LNX1: variants seen among roughly 807,000 people sequenced by gnomAD.
LNX1 encodes E3 ubiquitin-protein ligase LNX.
In LNX1, 54 loss-of-function variants were observed where a neutral mutation model predicts 68.4. The ratio of observed to expected loss-of-function variants is 0.79; its 90% CI spans 0.63 to 0.99. The LOEUF (loss-of-function observed/expected upper bound fraction) is 0.99. Ranked by LOEUF, LNX1 falls within the 50% of genes least tolerant of loss-of-function variation. LNX1 has a pLI of 0.00. For missense variants in LNX1, 906 were observed against 926.4 expected, an observed-to-expected ratio of 0.98 and a Z score of 0.29; for synonymous variants, 336 against 350.0, an observed-to-expected ratio of 0.96 and a Z score of 0.45.
chr4:53,520,124 G>T (rs1326466537), intron 2 of LNX1, among the ~76,000 whole-genome samples: 2 of 152,206 alleles, frequency 1.3e-5, no homozygotes, highest in Non-Finnish European at 2.9e-5. Context: ...CTCCCAGTGT[G>T]CGCTCATCTG....
intron 6 of LNX1, among the ~76,000 whole-genome samples, chr4:53,486,153 C>A (rs1450561859): frequency 3.9e-5 from 6 of 152,162 alleles, no homozygotes; most frequent in Non-Finnish European, 8.8e-5. Flanking sequence ...CTTTCCCTCC[C>A]AAGAGCTGAA....
chr4:53,538,417 C>T (rs527801181), intron 2 of LNX1, among the ~76,000 whole-genome samples: 2 of 152,180 alleles, frequency 1.3e-5, no homozygotes, highest in African/African-American at 4.8e-5. Flanking sequence ...CTCCCACTAA[C>T]TCCAAGGAAA....
chr4:53,518,736 T>C (rs564466822), intron 2 of LNX1, among the ~76,000 whole-genome samples: 17 of 152,316 alleles, frequency 1.1e-4, no homozygotes, highest in African/African-American at 4.1e-4. Context: ...AGAACTTTAA[T>C]TGAAGTGTGC....
chr4:53,516,393 T>C (rs1344207934), intron 2 of LNX1, among the ~76,000 whole-genome samples: 1 of 152,088 alleles, frequency 6.6e-6, no homozygotes, highest in Non-Finnish European at 1.5e-5. Flanking sequence ...ATGCACTTGG[T>C]TCATGAAAAC....
chr4:53,568,614 C>A (rs1306615343), intron 2 of LNX1, among the ~76,000 whole-genome samples: 2 of 151,890 alleles, frequency 1.3e-5, no homozygotes, highest in South Asian at 4.1e-4. Context: ...GACAGGGATG[C>A]CCTCTCTCAC....
chr4:53,573,386 G>T, intron 2 of LNX1, among the ~76,000 whole-genome samples: 1 of 152,110 alleles, frequency 6.6e-6, no homozygotes, highest in East Asian at 1.9e-4. Context: ...GTTAAAAATG[G>T]TAAACTTTAT....
intron 1 of LNX1, among the ~76,000 whole-genome samples, chr4:53,632,824 A>G (rs1482830971): frequency 2.6e-5 from 4 of 152,206 alleles, no homozygotes; most frequent in Non-Finnish European, 4.4e-5. Context: ...TTTCCTATCA[A>G]ATGTAAAGTG....
chr4:53,628,641 A>T (rs1734160738), intron 1 of LNX1, among the ~76,000 whole-genome samples: 1 of 152,226 alleles, frequency 6.6e-6, no homozygotes, highest in African/African-American at 2.4e-5. Flanking sequence ...ACCCAAAGGA[A>T]AAGAAGTCAT....
At chr4:53,642,966 C>T (rs1394863835) in intron 1 of LNX1, among the ~76,000 whole-genome samples, 1 of 152,080 alleles carries the variant, frequency 6.6e-6, no homozygotes, top group Non-Finnish European at 1.5e-5. Context: ...GTGATTTTGC[C>T]CTCCAGAGGC....
At chr4:53,556,570 A>G (rs1729928240) in intron 2 of LNX1, among the ~76,000 whole-genome samples, 1 of 152,196 alleles carries the variant, frequency 6.6e-6, no homozygotes, top group Admixed American at 6.5e-5. Flanking sequence ...GAGCCTTTTC[A>G]TAATCTCTGC....
chr4:53,495,063 G>T (rs1724952404), intron 6 of LNX1, among the ~76,000 whole-genome samples: 1 of 152,112 alleles, frequency 6.6e-6, no homozygotes, highest in Admixed American at 6.6e-5. Flanking sequence ...TTGTGGTGAT[G>T]GAAATCTTCT....
intron 2 of LNX1, among the ~76,000 whole-genome samples, chr4:53,540,280 G>A (rs1728658594): frequency 6.6e-6 from 1 of 152,128 alleles, no homozygotes; most frequent in African/African-American, 2.4e-5. Context: ...CCACTCGGGG[G>A]GCTTAGGAGA....
chr4:53,575,970 G>A, intron 1 of LNX1: 1 of 1,562,452 alleles, frequency 6.4e-7, no homozygotes, highest in Non-Finnish European at 8.6e-7. Context: ...GTGCCCTACT[G>A]GCAGGCATGC....
At chr4:53,638,920 A>G (rs991609603) in intron 1 of LNX1, among the ~76,000 whole-genome samples, 12 of 152,226 alleles carry the variant, frequency 7.9e-5, no homozygotes, top group Admixed American at 2.6e-4. Flanking sequence ...TGTGGAAAGC[A>G]GTTTGGAGAT....
At chr4:53,635,569 G>A (rs1016873929) in intron 1 of LNX1, among the ~76,000 whole-genome samples, 3 of 152,012 alleles carry the variant, frequency 2.0e-5, no homozygotes, top group Non-Finnish European at 2.9e-5. Flanking sequence ...GGACTAATCT[G>A]TTATTAGCTC....
At chr4:53,563,763 G>A (rs1730443915) in intron 2 of LNX1, among the ~76,000 whole-genome samples, 1 of 152,168 alleles carries the variant, frequency 6.6e-6, no homozygotes, top group South Asian at 2.1e-4. Context: ...TTGAACTCCT[G>A]ACCTCGTGAT....
intron 9 of LNX1, among the ~76,000 whole-genome samples, chr4:53,462,125 T>C (rs1416143974): frequency 1.3e-5 from 2 of 152,030 alleles, no homozygotes; most frequent in African/African-American, 4.8e-5. Flanking sequence ...TAGAGAAGCA[T>C]GCACGCATAA....
chr4:53,538,222 G>C (rs1293367317), intron 2 of LNX1, among the ~76,000 whole-genome samples: 1 of 152,184 alleles, frequency 6.6e-6, no homozygotes, highest in African/African-American at 2.4e-5. Flanking sequence ...CCTGTGGTTG[G>C]GACACCATGG....
At chr4:53,485,050 T>C (rs2109430585) in intron 6 of LNX1, among the ~76,000 whole-genome samples, 1 of 152,326 alleles carries the variant, frequency 6.6e-6, no homozygotes, top group Middle Eastern at 3.4e-3. Flanking sequence ...TGAAGAAAGC[T>C]GACATGAAGA....
Sources: allele counts gnomAD v4.1 joint callset (sites outside exome capture counted in the v4.1 genomes callset), GRCh38; gene constraint gnomAD v4.1.1; transcripts MANE v1.5; gene names NCBI Gene and HGNC (gene_info 2026-07-23, HGNC 2026-07-21).